Variants in ZC3H3 observed in about 807,000 individuals in gnomAD.
ZC3H3 encodes zinc finger CCCH domain-containing protein 3.
A neutral mutation model predicts 77.3 loss-of-function variants in ZC3H3; 36 were observed. The observed-to-expected ratio is 0.47, with a 90% CI of 0.36 to 0.61. The LOEUF (loss-of-function observed/expected upper bound fraction) is 0.61. ZC3H3 is among the 20% of genes least tolerant of loss of function. The pLI, the probability that ZC3H3 is intolerant of heterozygous loss-of-function variation, is 0.00. For missense variants in ZC3H3, 1,331 were observed against 1,312.2 expected, an observed-to-expected ratio of 1.01 and a Z score of -0.22; for synonymous variants, 626 against 555.2, an observed-to-expected ratio of 1.13 and a Z score of -1.79.
chr8:143,516,150 G>A (rs1006202730), intron 3 of ZC3H3, among the ~76,000 whole-genome samples: 4 of 152,240 alleles, frequency 2.6e-5, no homozygotes, highest in Middle Eastern at 3.2e-3. Context: ...CCGCCCCTAC[G>A]CTGGCGCGGC....
rs949756297 is a variant in ZC3H3, at chr8:143,493,827, A to T, written c.1715+13919T>A. Among the ~76,000 whole-genome samples, 6 of 152,260 alleles carry T rather than the reference A, an allele frequency of 3.9e-5. No homozygotes were observed. The highest frequency in any genetic ancestry group is 7.3e-5 in the Non-Finnish European group (5 of 68,046). ...ATTTCAGAGGCCAGTAATATTTTATATAATCGCCGAGTGGTTTAAATTGAA... is the reference window on the plus strand; with the variant it reads ...ATTTCAGAGGCCAGTAATATTTTATTTAATCGCCGAGTGGTTTAAATTGAA... On this transcript the variant is annotated intron_variant, in intron 4 of 11. Transcript: ENST00000262577. The surrounding 1 kb of genome is among the most constrained non-coding windows in gnomAD (Gnocchi z 4.8).
intron 9 of ZC3H3, among the ~76,000 whole-genome samples, chr8:143,459,409 C>A (rs1389012890): frequency 8.5e-5 from 13 of 152,138 alleles, no homozygotes; most frequent in Non-Finnish European, 1.6e-4. Context: ...ATTAGCTGGG[C>A]CTGGCAGCGC....
chr8:143,538,463 G>C lies in ZC3H3; in HGVS notation c.904C>G (p.Arg302Gly). Residue 302 changes from arginine (R) to glycine (G), a missense_variant, in exon 2 of 12, where the codon CGA becomes GGA. This residue lies in a region of ZC3H3 where 978 missense variants were observed against 915.5 expected (regional missense o/e 1.07). Transcript: ENST00000262577. Reference protein sequence around the residue: ...AREASLVVTCRTNKFRKNNYK... With the variant: ...AREASLVVTCGTNKFRKNNYK... The stretch of plus-strand genomic sequence containing the variant: ...TTGTTTTTCCGGAACTTGTTAGTTC[G>C]ACAGGTCACAACCAGCGAGGCCTCC... 3 of 1,613,082 alleles carry C rather than the reference G, an allele frequency of 1.9e-6. No individual in the cohort carries two copies. Among genetic ancestry groups the C allele is most frequent in the Non-Finnish European group, 2.5e-6 (3 of 1,180,034 alleles).
At chr8:143,477,207 C>A (rs1820760305) in intron 4 of ZC3H3, among the ~76,000 whole-genome samples, 1 of 152,202 alleles carries the variant, frequency 6.6e-6, no homozygotes, top group Non-Finnish European at 1.5e-5. Flanking sequence ...CAGAGAGAGC[C>A]CGGTGCCGGG....
At chr8:143,522,401 G>A (rs973041538) in intron 3 of ZC3H3, among the ~76,000 whole-genome samples, 11 of 152,134 alleles carry the variant, frequency 7.2e-5, no homozygotes, top group African/African-American at 2.2e-4. Flanking sequence ...TCAGGAGTTC[G>A]AGACGAGCTT....
chr8:143,481,473 C>A (rs1314346127), intron 4 of ZC3H3, among the ~76,000 whole-genome samples: 1 of 152,170 alleles, frequency 6.6e-6, no homozygotes, highest in Non-Finnish European at 1.5e-5. Context: ...CGCTGTGTGA[C>A]CAGGGGCGGG....
At chr8:143,472,845 C>T (rs778932397) in intron 5 of ZC3H3, among the ~76,000 whole-genome samples, 40 of 152,314 alleles carry the variant, frequency 2.6e-4, no homozygotes, top group Admixed American at 3.9e-4. Flanking sequence ...GGTGAACAGG[C>T]GGGGCCAGCC....
rs28557071 is a variant in ZC3H3 at position 143,472,194 on chromosome 8, G to A, written c.1903+3204C>T. On this transcript the variant is annotated intron_variant, in intron 5 of 11. Transcript: ENST00000262577. Reference sequence around the variant, plus strand: ...CTGGCGTTGCTGAGGCTGAATGAAGGAGTTCTGGGTTGCTGCTGGTGCAGG... The same window carrying A: ...CTGGCGTTGCTGAGGCTGAATGAAGAAGTTCTGGGTTGCTGCTGGTGCAGG... 7.9e-3 allele frequency among the ~76,000 whole-genome samples: 1,207 copies of A among 152,370 alleles called. 9 individuals carry two copies. The highest frequency in any genetic ancestry group is 0.013 in the Non-Finnish European group (910 of 68,024).
chr8:143,479,332 G>A (rs888035641), intron 4 of ZC3H3, among the ~76,000 whole-genome samples: 5 of 152,198 alleles, frequency 3.3e-5, no homozygotes, highest in Non-Finnish European at 7.3e-5. Flanking sequence ...CCCTAATGGA[G>A]AGGATGGCCT....
intron 3 of ZC3H3, among the ~76,000 whole-genome samples, chr8:143,512,938 G>T (rs1325345315): frequency 6.6e-6 from 1 of 152,230 alleles, no homozygotes; most frequent in Non-Finnish European, 1.5e-5. Flanking sequence ...AGCCTGCCTG[G>T]AAGGAGCAGA....
chr8:143,515,366 C>T (rs1201348172), intron 3 of ZC3H3, among the ~76,000 whole-genome samples: 1 of 152,252 alleles, frequency 6.6e-6, no homozygotes, highest in African/African-American at 2.4e-5. Context: ...CGAGGGGCTG[C>T]AGTGATTAGT....
At chr8:143,438,634 G>A (rs1192515495) in intron 11 of ZC3H3, among the ~76,000 whole-genome samples, 1 of 152,170 alleles carries the variant, frequency 6.6e-6, no homozygotes, top group Non-Finnish European at 1.5e-5. Context: ...CCCACAGCGG[G>A]GAAGCCCAGG....
intron 5 of ZC3H3, among the ~76,000 whole-genome samples, chr8:143,470,838 G>T (rs1425000428): frequency 6.6e-6 from 1 of 152,232 alleles, no homozygotes; most frequent in Non-Finnish European, 1.5e-5. Context: ...AGCAAGGGCT[G>T]CCTGAGAAGT....
At position 143,530,809 on chromosome 8, in the gene ZC3H3, G is replaced by A. The variant is rs1035857585; in HGVS notation, c.1561+5448C>T. Among the ~76,000 whole-genome samples, 2 of 152,106 alleles carry A rather than the reference G, an allele frequency of 1.3e-5. No homozygotes were observed. The highest frequency in any genetic ancestry group is 4.8e-5 in the African/African-American group (2 of 41,406). ...GTGGCAAACAGGACACCATTTTTCA[G>A]ACTCCAAAAAGGTTTTCTTCTCTTC... On this transcript the variant is annotated intron_variant, in intron 3 of 11. Transcript: ENST00000262577. This position sits in a 1 kb window ranked among gnomAD's most constrained non-coding sequence, Gnocchi z 4.3.
At chr8:143,478,543 CT>C (rs1423395290) in intron 4 of ZC3H3, among the ~76,000 whole-genome samples, 12 of 152,354 alleles carry the variant, frequency 7.9e-5, no homozygotes, top group South Asian at 4.1e-4. Context: ...GAGTTTTGCT[CT>C]TGTGACCCAG....
rs369376989 is a variant in ZC3H3 at position 143,468,548 on chromosome 8, C to T, written c.1947-8G>A. 588 of 1,605,660 alleles carry T rather than the reference C, an allele frequency of 3.7e-4. No homozygotes were observed. The highest frequency in any genetic ancestry group is 4.8e-4 in the Non-Finnish European group (565 of 1,176,824). ...CTGCGCTGCACTGCCCGGCTGCAGACGGGGAGAGAGGTGCGTGAGCCTGAG... is the reference window on the plus strand; with the variant it reads ...CTGCGCTGCACTGCCCGGCTGCAGATGGGGAGAGAGGTGCGTGAGCCTGAG... On this transcript the variant is annotated splice_region_variant and splice_polypyrimidine_tract_variant and intron_variant, in intron 6 of 11. Coordinates refer to ENST00000262577, the MANE Select transcript of ZC3H3 (RefSeq NM_015117.3).
At chr8:143,452,815 C>A (rs1409736068) in intron 9 of ZC3H3, among the ~76,000 whole-genome samples, 5 of 152,144 alleles carry the variant, frequency 3.3e-5, no homozygotes, top group African/African-American at 1.2e-4. Flanking sequence ...ACAGAGCCTT[C>A]GGGACCTTGG....
chr8:143,521,251 G>A (rs962563144), intron 3 of ZC3H3, among the ~76,000 whole-genome samples: 7 of 152,218 alleles, frequency 4.6e-5, no homozygotes, highest in African/African-American at 1.7e-4. Flanking sequence ...CTGGCCCGAG[G>A]TCACAGGGCT....
At chr8:143,485,781 C>G (rs1240836651) in intron 4 of ZC3H3, among the ~76,000 whole-genome samples, 2 of 152,216 alleles carry the variant, frequency 1.3e-5, no homozygotes, top group Non-Finnish European at 1.5e-5. Context: ...GCAAATCACA[C>G]AAAAACAGGC....
Sources: gnomAD v4.1 joint callset for allele counts (sites outside exome capture counted in the v4.1 genomes callset) on GRCh38, gnomAD v4.1.1 for gene constraint, gnomAD v4.1.1 regional missense constraint, Gnocchi (gnomAD v3.1) non-coding constraint, MANE v1.5 for transcripts, NCBI Gene and HGNC (gene_info 2026-07-23, HGNC 2026-07-21) for gene names.